The following ATP6V1A variants were observed in gnomAD, a reference collection of about 807,000 sequenced individuals.
ATP6V1A encodes the protein V-type proton ATPase catalytic subunit A.
ATP6V1A carries 18 observed loss-of-function variants against 70.1 expected under a neutral mutation model. The ratio of observed to expected loss-of-function variants is 0.26; its 90% CI spans 0.18 to 0.38. The LOEUF (loss-of-function observed/expected upper bound fraction) is 0.38, where lower values mean the gene tolerates loss of function less well. ATP6V1A is among the 10% of genes least tolerant of loss of function. ATP6V1A has a pLI of 1.00. For missense variants in ATP6V1A, 424 were observed against 772.4 expected, an observed-to-expected ratio of 0.55 and a Z score of 5.35; for synonymous variants, 232 against 253.8, an observed-to-expected ratio of 0.91 and a Z score of 0.82.
At chr3:113,748,694 G>A (rs1318937847) in intron 1 of ATP6V1A, among the ~76,000 whole-genome samples, 1 of 152,180 alleles carries the variant, frequency 6.6e-6, no homozygotes, top group Admixed American at 6.5e-5. Flanking sequence ...CTAGCTTATT[G>A]ATGCTCCTTA....
chr3:113,776,841 A>G (rs1270157449), intron 1 of ATP6V1A, among the ~76,000 whole-genome samples: 3 of 152,114 alleles, frequency 2.0e-5, no homozygotes, highest in African/African-American at 7.2e-5. Flanking sequence ...TCTGTTCACT[A>G]TTCCTGAATG....
intron 1 of ATP6V1A, among the ~76,000 whole-genome samples, chr3:113,777,408 A>C (rs1708927079): frequency 6.6e-6 from 1 of 152,230 alleles, no homozygotes; most frequent in Admixed American, 6.5e-5. Context: ...AGGATGTTGC[A>C]GTTTTAAATA....
chr3:113,793,465 T>C (rs1709120173), intron 8 of ATP6V1A, among the ~76,000 whole-genome samples: 2 of 152,230 alleles, frequency 1.3e-5, no homozygotes, highest in African/African-American at 2.4e-5. Flanking sequence ...CATATTTTTC[T>C]TGTAGGCACT....
At chr3:113,787,526 G>A (rs1709050518) in intron 6 of ATP6V1A, among the ~76,000 whole-genome samples, 1 of 151,910 alleles carries the variant, frequency 6.6e-6, no homozygotes, top group Non-Finnish European at 1.5e-5. Context: ...ATAATTTTAC[G>A]GTAAACTGAT....
At chr3:113,798,872 A>G (rs1163561082) in intron 12 of ATP6V1A, among the ~76,000 whole-genome samples, 1 of 152,220 alleles carries the variant, frequency 6.6e-6, no homozygotes, top group Non-Finnish European at 1.5e-5. Flanking sequence ...TAGGCAAATT[A>G]AATGCCAGAA....
intron 1 of ATP6V1A, 105 bp from the exon 2 acceptor site, chr3:113,778,636 T>G (rs891810884): frequency 1.8e-6 from 1 of 545,418 alleles, no homozygotes; most frequent in East Asian, 3.4e-5. Flanking sequence ...AACTCAAGAA[T>G]ACACCAAAGA....
intron 1 of ATP6V1A, among the ~76,000 whole-genome samples, chr3:113,759,298 T>C (rs1030511541): frequency 6.6e-6 from 1 of 151,450 alleles, no homozygotes; most frequent in African/African-American, 2.4e-5. Flanking sequence ...TTTTTTTTTT[T>C]TTTTGCATTT....
At chr3:113,776,135 G>A (rs2108023512) in intron 1 of ATP6V1A, among the ~76,000 whole-genome samples, 1 of 152,234 alleles carries the variant, frequency 6.6e-6, no homozygotes, top group South Asian at 2.1e-4. Flanking sequence ...GAGGCAGGCA[G>A]ATCACTTGAG....
In ATP6V1A at chr3:113,788,870, C is replaced by T; in HGVS notation, c.874C>T (p.Pro292Ser). ...GATGTCTGAAGTCCTCCGGGACTTC[C>T]CAGAGGTCTGTATAAAGCTTCAAAT... ...NEMSEVLRDF[P>S]ELTMEVDGKV... Residue 292 changes from proline to serine, a missense_variant, in exon 7 of 15, where the codon CCA (proline) becomes TCA (serine). Coordinates refer to ENST00000273398, the MANE Select transcript of ATP6V1A (RefSeq NM_001690.4). 1 of 1,611,158 alleles carries T rather than the reference C, an allele frequency of 6.2e-7. No individual in the cohort carries two copies. Among genetic ancestry groups the T allele is most frequent in the Non-Finnish European group, 8.5e-7 (1 of 1,178,772 alleles).
chr3:113,770,688 G>A (rs1196613421), intron 1 of ATP6V1A, among the ~76,000 whole-genome samples: 4 of 150,860 alleles, frequency 2.7e-5, no homozygotes, highest in Admixed American at 6.6e-5. Context: ...TAAAAAAAAA[G>A]AAAATCAATA....
rs1709263798 is a variant in ATP6V1A, at chr3:113,805,413, T to C, written c.1649T>C (p.Met550Thr). 1 of 1,614,050 alleles carries C rather than the reference T, an allele frequency of 6.2e-7. No homozygotes were observed. The highest frequency in any genetic ancestry group is 8.5e-7 in the Non-Finnish European group (1 of 1,179,930). ...TCCAACATGATTGCATTTTATGATA[T>C]GGCTCGTAGAGCTGTTGAAACCACT... ...MLSNMIAFYDMARRAVETTAQ... is the reference protein window; with the variant it reads ...MLSNMIAFYDTARRAVETTAQ... The change falls in exon 14 of 15, where the codon ATG becomes ACG. Residue 550 changes from methionine to threonine, a missense_variant. Coordinates refer to ENST00000273398, the MANE Select transcript of ATP6V1A (RefSeq NM_001690.4).
rs1043277699 is a variant in ATP6V1A at position 113,811,709 on chromosome 3, C to T, written c.*2282C>T. Reference sequence around the variant, plus strand: ...AGCGAACCTATGCTCAGATATTCATCGTAAGTCTCCCTTCACCTGTTACAG... The same window carrying T: ...AGCGAACCTATGCTCAGATATTCATTGTAAGTCTCCCTTCACCTGTTACAG... On this transcript the variant is annotated 3_prime_UTR_variant, in exon 15 of 15. Coordinates refer to ENST00000273398, the MANE Select transcript of ATP6V1A (RefSeq NM_001690.4). 2.0e-5 allele frequency: 3 copies of T among 152,574 alleles called. No individual in the cohort carries two copies. Among genetic ancestry groups the T allele is most frequent in the Non-Finnish European group, 4.4e-5 (3 of 68,024 alleles). The allele number at this position is 152,574 out of a possible 1,614,324, so 9.5% of individuals were successfully genotyped here.
chr3:113,766,649 G>T (rs1336508724), intron 1 of ATP6V1A, among the ~76,000 whole-genome samples: 1 of 152,062 alleles, frequency 6.6e-6, no homozygotes, highest in Admixed American at 6.5e-5. Context: ...CCACCTTCAG[G>T]ACCTAATTAT....
At chr3:113,752,753 AG>A in intron 1 of ATP6V1A, among the ~76,000 whole-genome samples, 1 of 152,208 alleles carries the variant, frequency 6.6e-6, no homozygotes, top group East Asian at 1.9e-4. Flanking sequence ...ATGGTGAAAA[AG>A]GGCACATATA....
intron 7 of ATP6V1A, 87 bp from the exon 8 acceptor site, chr3:113,789,644 CA>C: frequency 3.1e-6 from 3 of 960,872 alleles, no homozygotes; most frequent in Non-Finnish European, 4.7e-6. Context: ...TAAATATGGG[CA>C]AAAGTTTAAA....
At chr3:113,768,810 G>A (rs553814887) in intron 1 of ATP6V1A, among the ~76,000 whole-genome samples, 39 of 152,034 alleles carry the variant, frequency 2.6e-4, no homozygotes, top group Non-Finnish European at 5.1e-4. Context: ...TGGCCAGGCT[G>A]GTCTCAAACT....
intron 10 of ATP6V1A, 72 bp downstream of exon 10, chr3:113,795,276 CTTATT>C (rs1407470738): frequency 1.3e-6 from 2 of 1,487,448 alleles, no homozygotes; most frequent in African/African-American, 1.4e-5. Flanking sequence ...AAAAAAGTCA[CTTATT>C]TTAAAGAGAG....
chr3:113,790,333 T>A (rs1002335344), intron 8 of ATP6V1A, among the ~76,000 whole-genome samples: 1 of 151,430 alleles, frequency 6.6e-6, no homozygotes, highest in African/African-American at 2.4e-5. Flanking sequence ...AAAAATTTAC[T>A]TACTATGTCT....
At chr3:113,799,856 C>A (rs1709190384) in intron 12 of ATP6V1A, among the ~76,000 whole-genome samples, 1 of 152,092 alleles carries the variant, frequency 6.6e-6, no homozygotes. Context: ...ATGAAAACCA[C>A]TTTTAAACTA....
Sources: gnomAD v4.1 joint callset for allele counts (sites outside exome capture counted in the v4.1 genomes callset) on GRCh38, gnomAD v4.1.1 for gene constraint, MANE v1.5 for transcripts, NCBI Gene and HGNC (gene_info 2026-07-23, HGNC 2026-07-21) for gene names.